Variants in RIMS2 observed in about 807,000 individuals in gnomAD.
RIMS2 encodes the protein regulating synaptic membrane exocytosis protein 2.
In RIMS2, 59 loss-of-function variants were observed where a neutral mutation model predicts 174.4. The observed-to-expected ratio is 0.34, with a 90% CI of 0.27 to 0.42. RIMS2 has a LOEUF of 0.42. RIMS2 is among the 10% of genes least tolerant of loss of function. RIMS2 has a pLI of 1.00. For missense variants in RIMS2, 1,620 were observed against 1,666.3 expected (o/e 0.97, Z 0.48); for synonymous variants, 606 against 572.5 (o/e 1.06, Z -0.84).
chr8:103,767,290 C>G (rs189996782), intron 3 of RIMS2, among the ~76,000 whole-genome samples: 1 of 151,506 alleles, frequency 6.6e-6, no homozygotes, highest in Non-Finnish European at 1.5e-5. Flanking sequence ...CAGGTTCAAG[C>G]GATTCCCCTG....
intron 19 of RIMS2, among the ~76,000 whole-genome samples, chr8:104,037,017 T>G (rs1018338997): frequency 1.3e-5 from 2 of 152,192 alleles, no homozygotes; most frequent in African/African-American, 4.8e-5. Flanking sequence ...GTTCAGTAAT[T>G]TTATGGTTGT....
intron 1 of RIMS2, among the ~76,000 whole-genome samples, chr8:103,622,761 C>G (rs1037715944): frequency 6.6e-5 from 10 of 152,174 alleles, no homozygotes; most frequent in Non-Finnish European, 1.5e-4. Flanking sequence ...AAATGGAGCA[C>G]CAGCCACAGG....
intron 3 of RIMS2, among the ~76,000 whole-genome samples, chr8:103,867,909 T>C (rs2099091333): frequency 6.6e-6 from 1 of 152,188 alleles, no homozygotes; most frequent in South Asian, 2.1e-4. Context: ...TGAAAATTTA[T>C]ATACCAAAAT....
At chr8:103,559,440 A>G in intron 1 of RIMS2, 1 of 351,250 alleles carries the variant, frequency 2.8e-6, no homozygotes, top group Non-Finnish European at 5.4e-6. Flanking sequence ...AGAAAGAGAG[A>G]GTTCAGGGAC....
At chr8:103,508,131 C>T (rs1272514165) in intron 1 of RIMS2, among the ~76,000 whole-genome samples, 1 of 152,010 alleles carries the variant, frequency 6.6e-6, no homozygotes, top group Non-Finnish European at 1.5e-5. Context: ...ATATTAAAAA[C>T]TTTTGTATTC....
At chr8:104,176,946 A>G (rs2098903002) in intron 19 of RIMS2, among the ~76,000 whole-genome samples, 1 of 152,094 alleles carries the variant, frequency 6.6e-6, no homozygotes, top group African/African-American at 2.4e-5. Flanking sequence ...CATATGTAAG[A>G]AAGTGACAAA....
chr8:104,132,680 G>C (rs1181781827), intron 19 of RIMS2, among the ~76,000 whole-genome samples: 4 of 152,178 alleles, frequency 2.6e-5, no homozygotes, highest in African/African-American at 9.6e-5. Flanking sequence ...TATCATACCT[G>C]TACGGTAAGG....
At chr8:103,960,018 G>A (rs987192166) in intron 14 of RIMS2, among the ~76,000 whole-genome samples, 2 of 151,120 alleles carry the variant, frequency 1.3e-5, no homozygotes, top group Admixed American at 1.3e-4. Context: ...CAGAACTGAA[G>A]GAGATAGAGA....
intron 17 of RIMS2, among the ~76,000 whole-genome samples, chr8:104,005,079 G>T (rs1158476193): frequency 6.6e-6 from 1 of 152,112 alleles, no homozygotes; most frequent in Non-Finnish European, 1.5e-5. Flanking sequence ...ATAAGGTAAG[G>T]GTTATTGCAG....
At chr8:104,100,274 A>C (rs1470330508) in intron 19 of RIMS2, among the ~76,000 whole-genome samples, 1 of 152,176 alleles carries the variant, frequency 6.6e-6, no homozygotes, top group African/African-American at 2.4e-5. Flanking sequence ...AGTGTATAGA[A>C]ATACAATTAA....
At chr8:103,708,012 AAAGG>A (rs1233848756) in intron 2 of RIMS2, among the ~76,000 whole-genome samples, 1 of 152,174 alleles carries the variant, frequency 6.6e-6, no homozygotes, top group Non-Finnish European at 1.5e-5. Context: ...ACTCTAAGAA[AAAGG>A]AATCTCTGCA....
chr8:104,192,375 T>TA (rs540222391), intron 19 of RIMS2, among the ~76,000 whole-genome samples: 1 of 151,898 alleles, frequency 6.6e-6, no homozygotes, highest in African/African-American at 2.4e-5. Context: ...GAAATTCCAT[T>TA]AAAAAAAAGC....
At chr8:103,972,892 G>T (rs572669627) in intron 15 of RIMS2, among the ~76,000 whole-genome samples, 1 of 152,036 alleles carries the variant, frequency 6.6e-6, no homozygotes, top group East Asian at 1.9e-4. Context: ...GCTGTATGTG[G>T]TTATTTAAAT....
chr8:103,511,229 T>C (rs1826288541), intron 1 of RIMS2, among the ~76,000 whole-genome samples: 1 of 152,210 alleles, frequency 6.6e-6, no homozygotes, highest in South Asian at 2.1e-4. Context: ...GATTAAGTAC[T>C]ATTCCTAAGC....
chr8:103,532,965 T>C (rs1837937041), intron 1 of RIMS2, among the ~76,000 whole-genome samples: 1 of 152,216 alleles, frequency 6.6e-6, no homozygotes, highest in Admixed American at 6.5e-5. Flanking sequence ...GTTTATTATG[T>C]ATTAGTGCTG....
chr8:103,640,244 A>AT (rs1299075125), intron 1 of RIMS2, among the ~76,000 whole-genome samples: 1 of 151,656 alleles, frequency 6.6e-6, no homozygotes, highest in Non-Finnish European at 1.5e-5. Context: ...ACTGTCTTTC[A>AT]TTTTTTATAT....
chr8:103,652,126 A>C, intron 1 of RIMS2, 79 bp from the exon 2 acceptor site: 1 of 711,224 alleles, frequency 1.4e-6, no homozygotes, highest in Non-Finnish European at 2.1e-6. Flanking sequence ...TTTGGTGTCC[A>C]TTTTATATGA....
chr8:104,244,012 T>G (rs1364421771), intron 19 of RIMS2, among the ~76,000 whole-genome samples: 1 of 152,182 alleles, frequency 6.6e-6, no homozygotes, highest in Non-Finnish European at 1.5e-5. Flanking sequence ...TTCCCTTGCT[T>G]ACGAAGCTCT....
At chr8:103,791,027 C>T (rs190123054) in intron 3 of RIMS2, among the ~76,000 whole-genome samples, 2 of 152,226 alleles carry the variant, frequency 1.3e-5, no homozygotes, top group East Asian at 3.9e-4. Context: ...ACTTTCCCAA[C>T]CTAGCAAGGC....
Sources: gnomAD v4.1 joint callset for allele counts (sites outside exome capture counted in the v4.1 genomes callset) on GRCh38, gnomAD v4.1.1 for gene constraint, MANE v1.5 for transcripts, NCBI Gene and HGNC (gene_info 2026-07-23, HGNC 2026-07-21) for gene names.